The following SCUBE1 variants were observed in gnomAD, a reference collection of about 807,000 sequenced individuals.
SCUBE1 encodes signal peptide, CUB domain and EGF like domain containing 1, also known as signal peptide, CUB and EGF-like domain-containing protein 1.
SCUBE1 carries 59 observed loss-of-function variants against 124.4 expected under a neutral mutation model. The ratio of observed to expected loss-of-function variants is 0.47; its 90% CI spans 0.38 to 0.59. The LOEUF (loss-of-function observed/expected upper bound fraction) is 0.59. Ranked by LOEUF, SCUBE1 falls within the 20% of genes least tolerant of loss-of-function variation. The probability of loss-of-function intolerance (pLI) is 0.00; values close to 1 mark genes in which losing one functional copy is unlikely to be tolerated. For synonymous variants in SCUBE1, 545 were observed against 550.9 expected (o/e 0.99, Z 0.15); for missense variants, 1,150 against 1,371.2 (o/e 0.84, Z 2.55).
intron 6 of SCUBE1, among the ~76,000 whole-genome samples, chr22:43,241,327 T>C (rs1470643857): frequency 6.6e-6 from 1 of 151,814 alleles, no homozygotes; most frequent in Non-Finnish European, 1.5e-5. Flanking sequence ...TGGGCCCTGC[T>C]CCGCCTCCCA....
Position 43,262,782 on chromosome 22 carries a change from C to A in SCUBE1, c.548G>T (p.Gly183Val). Residue 183 changes from glycine (G) to valine (V), a missense_variant, in exon 5 of 22, where the codon GGT (glycine) becomes GTT (valine). Physicochemically the swap from Gly to Val is moderately radical, Grantham distance 109 (BLOSUM62 -3). Coordinates refer to ENST00000360835, the MANE Select transcript of SCUBE1 (RefSeq NM_173050.5). ...CAHICRETPK[G>V]GVACDCRPGF... ...GGGCCTGCAGTCGCAGGCCACCCCA[C>A]CTTTGGGCGTCTCCCGGCAGATGTG... The A allele has an allele frequency of 6.2e-7, 1 of 1,614,252 alleles. No homozygotes were observed. Among genetic ancestry groups the A allele is most frequent in the Non-Finnish European group, 8.5e-7 (1 of 1,180,040 alleles).
Position 43,220,282 on chromosome 22 carries a change from C to A in SCUBE1, c.1687+168G>T, listed in dbSNP as rs1358353940. Among the ~76,000 whole-genome samples the A allele has an allele frequency of 2.6e-5, 4 of 152,176 alleles. No homozygotes were observed. The East Asian group carries it at 7.7e-4, about 29-fold the overall frequency. Reference sequence around the variant, plus strand: ...CTGCAAGCGTTGACCCCTGCCAGCTCCCTTTGCTTGTGGGCCTGCCTCTGT... The same window carrying A: ...CTGCAAGCGTTGACCCCTGCCAGCTACCTTTGCTTGTGGGCCTGCCTCTGT... On this transcript the variant is annotated intron_variant, in intron 14 of 21. Transcript: ENST00000360835.
chr22:43,327,888 C>A (rs1031836936), intron 2 of SCUBE1, among the ~76,000 whole-genome samples: 1 of 152,130 alleles, frequency 6.6e-6, no homozygotes, highest in African/African-American at 2.4e-5. Flanking sequence ...ATACTTTTAA[C>A]GAGTGAATTG....
At chr22:43,222,776 T>C (rs776121140) in intron 11 of SCUBE1, 34 bp from the exon 12 acceptor site, 3 of 1,489,194 alleles carry the variant, frequency 2.0e-6, no homozygotes, top group Non-Finnish European at 1.8e-6. Flanking sequence ...GTGGGCCTGG[T>C]GCTCCTCCCT....
Position 43,198,806 on chromosome 22 carries a change from G to GTCTGTCTA in SCUBE1, c.*5190_*5191insTAGACAGA, listed in dbSNP as rs1256331461. 15 of 432,670 alleles carry GTCTGTCTA rather than the reference G, an allele frequency of 3.5e-5. No homozygotes were observed. The Admixed American group carries it at 3.6e-4, about 10-fold the overall frequency. 26.8% of individuals were successfully genotyped at this position (432,670 alleles called of 1,614,324 possible). On this transcript the variant is annotated 3_prime_UTR_variant, in exon 22 of 22. Transcript: ENST00000360835. ...GTGAGCAGGCTGTCCAGGGCAGCTT[G>GTCTGTCTA]TCTGCTGTCTGGGGCAGGGTGTCTG... is the stretch of plus-strand genomic sequence containing the variant.
chr22:43,207,184 TG>T (rs1047558818), intron 21 of SCUBE1, among the ~76,000 whole-genome samples: 6 of 152,186 alleles, frequency 3.9e-5, no homozygotes, highest in African/African-American at 1.4e-4. Flanking sequence ...ACAATGGCAC[TG>T]GGTAGATCCC....
In SCUBE1 at chr22:43,212,511, G is replaced by A. The variant is rs1462605446; in HGVS notation, c.2135C>T (p.Pro712Leu). The A allele has an allele frequency of 1.9e-6, 3 of 1,558,216 alleles. No homozygotes were observed. Among genetic ancestry groups the A allele is most frequent in the Non-Finnish European group, 1.7e-6 (2 of 1,151,352 alleles). ...ACPVGTYQPE[P>L]GRTGCFPCGG... ...ACAGGGGAAGCAGCCGGTGCGCCCG[G>A]GCTCAGGCTGGTACGTGCCCACGGG... is the stretch of plus-strand genomic sequence containing the variant. Residue 712 changes from proline to leucine, a missense_variant, in exon 17 of 22, where the codon CCC (proline) becomes CTC (leucine). By Grantham distance (98) the Pro-to-Leu change is moderately conservative. Coordinates refer to ENST00000360835, the MANE Select transcript of SCUBE1 (RefSeq NM_173050.5).
rs767204628 is a variant in SCUBE1 at position 43,284,755 on chromosome 22, A to ATCG, written c.484+6288_484+6290dup. ...ATTGGATGCAGCTCTTGCAATCATC[A>ATCG]TCGTCATCGTCGTCGTCGTCGTCGT... On this transcript the variant is annotated intron_variant, in intron 4 of 21. Coordinates refer to ENST00000360835, the MANE Select transcript of SCUBE1 (RefSeq NM_173050.5). Among the ~76,000 whole-genome samples, 830 of 149,272 alleles carry ATCG rather than the reference A, an allele frequency of 5.6e-3. 7 individuals carry two copies. Among genetic ancestry groups the ATCG allele is most frequent in the African/African-American group, 0.016 (611 of 39,112 alleles).
At chr22:43,311,149 C>T (rs1484217740) in intron 3 of SCUBE1, among the ~76,000 whole-genome samples, 1 of 152,170 alleles carries the variant, frequency 6.6e-6, no homozygotes, top group Non-Finnish European at 1.5e-5. Context: ...ATGCTGTCAC[C>T]CTGCCCCCAT....
chr22:43,211,358 G>C lies in SCUBE1; in HGVS notation c.2222-275C>G, dbSNP rs1921544055. Among the ~76,000 whole-genome samples the C allele has an allele frequency of 6.6e-6, 1 of 152,144 alleles. No homozygotes were observed. On this transcript the variant is annotated intron_variant, in intron 17 of 21. Coordinates refer to ENST00000360835, the MANE Select transcript of SCUBE1 (RefSeq NM_173050.5). This position sits in a 1 kb window ranked among gnomAD's most constrained non-coding sequence, Gnocchi z 4.5. Reference sequence around the variant, plus strand: ...CCTTGATGGGAGCCATTTTCAGGGAGAGCGGGGGCGATGATGTGGCCGGAG... The same window carrying C: ...CCTTGATGGGAGCCATTTTCAGGGACAGCGGGGGCGATGATGTGGCCGGAG...
chr22:43,288,182 G>GC (rs1335753041), intron 4 of SCUBE1, among the ~76,000 whole-genome samples: 1 of 152,126 alleles, frequency 6.6e-6, no homozygotes, highest in African/African-American at 2.4e-5. Flanking sequence ...TGGGACTGAG[G>GC]CCCCCAAATC....
At chr22:43,327,945 T>C (rs1926780364) in intron 2 of SCUBE1, among the ~76,000 whole-genome samples, 1 of 152,130 alleles carries the variant, frequency 6.6e-6, no homozygotes, top group Admixed American at 6.5e-5. Flanking sequence ...AAAATAAAAG[T>C]CAAACAAGCT....
chr22:43,212,946 G>T (rs1921634193), intron 16 of SCUBE1, among the ~76,000 whole-genome samples: 1 of 152,172 alleles, frequency 6.6e-6, no homozygotes, highest in Non-Finnish European at 1.5e-5. Context: ...TCCCCGGGGG[G>T]TAGGCTGCAC....
At chr22:43,207,239 G>A (rs1045586813) in intron 21 of SCUBE1, among the ~76,000 whole-genome samples, 2 of 152,202 alleles carry the variant, frequency 1.3e-5, no homozygotes, top group Non-Finnish European at 2.9e-5. Context: ...TTCTACAGAT[G>A]AGGAGAGTGA....
At chr22:43,208,486 AAGATC>A (rs2146651918) in intron 19 of SCUBE1, among the ~76,000 whole-genome samples, 1 of 151,910 alleles carries the variant, frequency 6.6e-6, no homozygotes, top group Non-Finnish European at 1.5e-5. Context: ...ATCCCCTCCC[AAGATC>A]TTGCTCTGCT....
chr22:43,269,090 G>A (rs1924190036), intron 4 of SCUBE1, among the ~76,000 whole-genome samples: 1 of 152,170 alleles, frequency 6.6e-6, no homozygotes, highest in African/African-American at 2.4e-5. Context: ...TGATGAGCGG[G>A]CATCACCGTG....
intron 6 of SCUBE1, among the ~76,000 whole-genome samples, chr22:43,256,594 C>T (rs1202194175): frequency 6.6e-6 from 1 of 152,196 alleles, no homozygotes; most frequent in Non-Finnish European, 1.5e-5. Flanking sequence ...AAGCAGGAGC[C>T]TTCACATGCA....
intron 4 of SCUBE1, among the ~76,000 whole-genome samples, chr22:43,290,636 G>A (rs911683387): frequency 6.6e-6 from 1 of 152,214 alleles, no homozygotes; most frequent in African/African-American, 2.4e-5. Context: ...CATGCAGCAG[G>A]GAGTCGCTGG....
chr22:43,256,312 G>A (rs964352814), intron 6 of SCUBE1, among the ~76,000 whole-genome samples: 7 of 152,236 alleles, frequency 4.6e-5, no homozygotes, highest in African/African-American at 1.2e-4. Flanking sequence ...AAGTGGCCCC[G>A]AGCTGGCCAG....
Sources: allele counts gnomAD v4.1 joint callset (sites outside exome capture counted in the v4.1 genomes callset), GRCh38; gene constraint gnomAD v4.1.1; non-coding constraint Gnocchi (gnomAD v3.1); transcripts MANE v1.5; gene names NCBI Gene and HGNC (gene_info 2026-07-23, HGNC 2026-07-21).